XIRP2: variants seen among roughly 807,000 people sequenced by gnomAD.
XIRP2 encodes the protein xin actin-binding repeat-containing protein 2.
In XIRP2, 236 loss-of-function variants were observed where a neutral mutation model predicts 277.0. That is an observed-to-expected ratio of 0.85 (90% CI 0.77 to 0.95). The LOEUF is 0.95. Ranked by LOEUF, XIRP2 falls within the 40% of genes least tolerant of loss-of-function variation. The probability of loss-of-function intolerance (pLI) is 0.00; values close to 1 mark genes in which losing one functional copy is unlikely to be tolerated. For synonymous variants in XIRP2, 1,490 were observed against 1,416.5 expected (o/e 1.05, Z -1.17); for missense variants, 4,640 against 4,157.5 (o/e 1.12, Z -3.19).
chr2:166,914,981 ATTTG>A (rs1684821963), intron 2 of XIRP2, among the ~76,000 whole-genome samples: 1 of 152,052 alleles, frequency 6.6e-6, no homozygotes, highest in Admixed American at 6.6e-5. Flanking sequence ...GAAGAAGTTT[ATTTG>A]TTTGTTTGTT....
intron 2 of XIRP2, among the ~76,000 whole-genome samples, chr2:166,912,704 C>A (rs1684744828): frequency 6.6e-6 from 1 of 152,126 alleles, no homozygotes. Flanking sequence ...GAATTTTCAG[C>A]TTTTCTGCTG....
At chr2:167,217,190 G>A (rs534155222) in intron 4 of XIRP2, among the ~76,000 whole-genome samples, 63 of 149,218 alleles carry the variant, frequency 4.2e-4, no homozygotes, top group African/African-American at 1.3e-3. Flanking sequence ...GCTAGATGAC[G>A]AGTTAGTGGG....
chr2:167,023,447 C>T (rs1055349896), intron 2 of XIRP2, among the ~76,000 whole-genome samples: 17 of 151,844 alleles, frequency 1.1e-4, no homozygotes, highest in Non-Finnish European at 2.4e-4. Context: ...TGTGCAGAAG[C>T]TCTTTAGTTT....
At chr2:166,969,565 A>ATCAT (rs1686520679) in intron 2 of XIRP2, among the ~76,000 whole-genome samples, 1 of 151,890 alleles carries the variant, frequency 6.6e-6, no homozygotes, top group South Asian at 2.1e-4. Context: ...CTCCCTTTCA[A>ATCAT]TCATTGTTCC....
chr2:167,249,050 A>G lies in XIRP2; in HGVS notation c.7658A>G (p.Gln2553Arg). 6.2e-7 allele frequency: 1 copy of G among 1,611,612 alleles called. No individual in the cohort carries two copies. Among genetic ancestry groups the G allele is most frequent in the Non-Finnish European group, 8.5e-7 (1 of 1,179,338 alleles). Reference protein sequence around the residue: ...PLMIAEEKYRQQKEEIEKQKQ... With the variant: ...PLMIAEEKYRRQKEEIEKQKQ... ...ATGATTGCTGAAGAAAAATATAGAC[A>G]ACAAAAAGAAGAAATTGAAAAACAG... Residue 2553 changes from glutamine (Q) to arginine (R), a missense_variant, in exon 9 of 11, where the codon CAA becomes CGA. Gln to Arg is a conservative substitution (Grantham distance 43). Transcript: ENST00000409195.
chr2:167,139,783 T>C (rs545502539), intron 3 of XIRP2, among the ~76,000 whole-genome samples: 48 of 152,346 alleles, frequency 3.2e-4, no homozygotes, highest in African/African-American at 1.1e-3. Context: ...GTGTCCTATA[T>C]CTGTGCGGTC....
intron 2 of XIRP2, among the ~76,000 whole-genome samples, chr2:167,016,570 T>C (rs1361800630): frequency 6.6e-6 from 1 of 152,022 alleles, no homozygotes; most frequent in Non-Finnish European, 1.5e-5. Context: ...AAGATTGACT[T>C]ATTCAAACAG....
At chr2:166,966,238 T>G (rs1438947966) in intron 2 of XIRP2, among the ~76,000 whole-genome samples, 1 of 151,864 alleles carries the variant, frequency 6.6e-6, no homozygotes, top group African/African-American at 2.4e-5. Flanking sequence ...TCAATATATT[T>G]TTCACGTAAT....
chr2:167,053,828 G>T (rs1315518472), intron 2 of XIRP2, among the ~76,000 whole-genome samples: 23 of 152,050 alleles, frequency 1.5e-4, no homozygotes, highest in Admixed American at 1.2e-3. Context: ...AAATTGCATT[G>T]CTCAAGACAG....
In XIRP2 at chr2:167,085,876, A is replaced by T. The variant is rs1425989898; in HGVS notation, c.409-50033A>T. On this transcript the variant is annotated intron_variant, in intron 2 of 10. Coordinates refer to ENST00000409195, the MANE Select transcript of XIRP2 (RefSeq NM_152381.6). ...GGGTTTCCTGAATACAGCACACTGA[A>T]GGGTCTTGACTCTTTATCCAATTTG... is the stretch of plus-strand genomic sequence containing the variant. Among the ~76,000 whole-genome samples the T allele has an allele frequency of 5.9e-5, 9 of 151,606 alleles. 1 individual carries two copies. The South Asian group carries it at 6.3e-4, about 11-fold the overall frequency.
intron 2 of XIRP2, among the ~76,000 whole-genome samples, chr2:167,123,569 G>C (rs555506063): frequency 2.6e-4 from 40 of 152,112 alleles, no homozygotes; most frequent in African/African-American, 9.4e-4. Flanking sequence ...TTGCTTGCAG[G>C]GTTTGTTTTC....
chr2:167,033,345 G>T (rs938050278), intron 2 of XIRP2, among the ~76,000 whole-genome samples: 1 of 152,054 alleles, frequency 6.6e-6, no homozygotes, highest in African/African-American at 2.4e-5. Flanking sequence ...TGTAGATGAG[G>T]GGTTAATGGG....
rs992901596 is a variant in XIRP2, at chr2:166,900,915, G to A, written c.-18-2550G>A. ...CACATGGCTTCCACTGACATCTAGA[G>A]GAGCCCCGTCACCATCAAGTGGGAA... On this transcript the variant is annotated intron_variant, in intron 1 of 10. Transcript: ENST00000409195. 5.9e-5 allele frequency among the ~76,000 whole-genome samples: 9 copies of A among 152,216 alleles called. No homozygotes were observed. In the East Asian group the frequency reaches 1.7e-3, roughly 30 times the overall value.
intron 2 of XIRP2, among the ~76,000 whole-genome samples, chr2:167,041,732 G>C (rs1247939289): frequency 6.6e-6 from 1 of 152,206 alleles, no homozygotes; most frequent in Non-Finnish European, 1.5e-5. Flanking sequence ...GAGACAGAGA[G>C]AGAGAGAGAG....
intron 2 of XIRP2, among the ~76,000 whole-genome samples, chr2:167,084,175 C>T (rs1477059326): frequency 2.6e-5 from 4 of 152,222 alleles, no homozygotes; most frequent in East Asian, 3.9e-4. Context: ...TGTCAAAGGC[C>T]TTTTCTGCAT....
At chr2:167,224,259 G>A (rs2105408127) in intron 5 of XIRP2, among the ~76,000 whole-genome samples, 1 of 152,016 alleles carries the variant, frequency 6.6e-6, no homozygotes. Context: ...TTTGAGACAG[G>A]GTCTTGCTCT....
chr2:166,957,624 A>G (rs979863764), intron 2 of XIRP2, among the ~76,000 whole-genome samples: 3 of 151,784 alleles, frequency 2.0e-5, no homozygotes. Flanking sequence ...TAAAGCAATT[A>G]TACTCCCTAA....
chr2:167,123,357 C>G (rs79867513), intron 2 of XIRP2, among the ~76,000 whole-genome samples: 1 of 152,112 alleles, frequency 6.6e-6, no homozygotes, highest in Middle Eastern at 3.4e-3. Context: ...TTTAAAGCTA[C>G]GAAGAAACTT....
At chr2:167,082,365 T>G (rs1441417356) in intron 2 of XIRP2, among the ~76,000 whole-genome samples, 2 of 152,100 alleles carry the variant, frequency 1.3e-5, no homozygotes, top group South Asian at 2.1e-4. Context: ...TTTGGGTTGG[T>G]TCCAAGTCTT....
Sources: gnomAD v4.1 joint callset for allele counts (sites outside exome capture counted in the v4.1 genomes callset) on GRCh38, gnomAD v4.1.1 for gene constraint, MANE v1.5 for transcripts, NCBI Gene and HGNC (gene_info 2026-07-23, HGNC 2026-07-21) for gene names.